The following ABCA13 variants were observed in gnomAD, a reference collection of about 807,000 sequenced individuals.
ABCA13 encodes ATP-binding cassette sub-family A member 13.
Under a neutral mutation model 478.7 loss-of-function variants are expected in ABCA13, and 476 were observed. That is an observed-to-expected ratio of 0.99 (90% CI 0.92 to 1.07). The LOEUF (loss-of-function observed/expected upper bound fraction) is 1.07, where lower values mean the gene tolerates loss of function less well. Ranked by LOEUF, ABCA13 falls within the 50% of genes least tolerant of loss-of-function variation. ABCA13 has a pLI of 0.00. For missense variants in ABCA13, 6,060 were observed against 5,910.6 expected (o/e 1.03, Z -0.83); for synonymous variants, 2,252 against 2,158.9 (o/e 1.04, Z -1.20).
Position 48,274,030 on chromosome 7 carries a change from A to T in ABCA13, c.4364A>T (p.His1455Leu), listed in dbSNP as rs530055805. The T allele has an allele frequency of 6.2e-7, 1 of 1,605,826 alleles. No homozygotes were observed. The highest frequency in any genetic ancestry group is 1.1e-5 in the South Asian group (1 of 90,324). The change falls in exon 17 of 62, where the codon CAT (histidine) becomes CTT (leucine). Residue 1455 changes from histidine to leucine, a missense_variant. Physicochemically the swap from His to Leu is moderately conservative, Grantham distance 99. Transcript: ENST00000435803. ...CCTCTTTGTTCATCAAATGGCTCAC[A>T]TATAAATTGTGTCAATATTTACTTG... ...KKPLCSSNGS[H>L]INCVNIYLKD... is the part of the protein sequence containing the mutation.
At chr7:48,172,612 A>G (rs906499431) in intron 1 of ABCA13, among the ~76,000 whole-genome samples, 25 of 151,566 alleles carry the variant, frequency 1.6e-4, no homozygotes, top group African/African-American at 5.3e-4. Flanking sequence ...TGGCTAACAC[A>G]GTGAAACCCC....
chr7:48,460,810 T>C (rs1826163815), intron 43 of ABCA13, among the ~76,000 whole-genome samples: 1 of 152,242 alleles, frequency 6.6e-6, no homozygotes, highest in Admixed American at 6.5e-5. Context: ...AACTGAAGAC[T>C]GACAGTGATT....
At chr7:48,492,464 A>G (rs553405860) in intron 48 of ABCA13, among the ~76,000 whole-genome samples, 1 of 152,332 alleles carries the variant, frequency 6.6e-6, no homozygotes, top group African/African-American at 2.4e-5. Flanking sequence ...AAGCATTCAT[A>G]TAATGACAGA....
Position 48,391,962 on chromosome 7 carries a change from T to C in ABCA13, c.11696T>C (p.Ile3899Thr), listed in dbSNP as rs1241296142. 2 of 1,613,964 alleles carry C rather than the reference T, an allele frequency of 1.2e-6. No homozygotes were observed. Among genetic ancestry groups the C allele is most frequent in the Non-Finnish European group, 1.7e-6 (2 of 1,179,870 alleles). Residue 3899 changes from isoleucine to threonine, a missense_variant, in exon 38 of 62, where the codon ATC becomes ACC. Transcript: ENST00000435803. ...TGLHPPTSGT[I>T]IINGKNLQTD... is the part of the protein sequence containing the mutation. The stretch of plus-strand genomic sequence containing the variant: ...CTCCACCCTCCCACTTCTGGAACCA[T>C]CATCATCAATGGCAAGAACCTACAG...
In ABCA13 at chr7:48,647,376, C is replaced by G. The variant is rs1308565751; in HGVS notation, c.*1864C>G. 6.6e-6 allele frequency: 1 copy of G among 152,092 alleles called. No homozygotes were observed. The highest frequency in any genetic ancestry group is 1.5e-5 in the Non-Finnish European group (1 of 68,008). 9.4% of individuals were successfully genotyped at this position (152,092 alleles called of 1,614,324 possible). A position where few individuals can be genotyped will look rare whatever the true frequency, so the allele number is the denominator to read the frequency against. On this transcript the variant is annotated 3_prime_UTR_variant, in exon 62 of 62. Transcript: ENST00000435803. ...ATTTATTCTCTAATTCTAACATAGT[C>G]TAGTTGTCAAAAGGAAATATGTAAT...
rs1311976964 is a variant in ABCA13, at chr7:48,529,625, TA to T, written c.14354+1285del. ...GTTTTGTAGCAATGAATATGGCAAA[TA>T]AAAATCGATTAAACATTGTTTTGTG... On this transcript the variant is annotated intron_variant, in intron 55 of 61. Transcript: ENST00000435803. Among the ~76,000 whole-genome samples the T allele has an allele frequency of 1.2e-4, 19 of 152,282 alleles. No homozygotes were observed. The East Asian group carries it at 3.7e-3, about 29-fold the overall frequency.
At chr7:48,389,550 C>T (rs367946034) in intron 37 of ABCA13, among the ~76,000 whole-genome samples, 3 of 152,284 alleles carry the variant, frequency 2.0e-5, no homozygotes, top group South Asian at 4.1e-4. Flanking sequence ...GCACTTTCAG[C>T]GTTTGTCCTA....
chr7:48,499,321 A>G (rs906812121), intron 48 of ABCA13, among the ~76,000 whole-genome samples: 39 of 152,222 alleles, frequency 2.6e-4, no homozygotes, highest in African/African-American at 9.2e-4. Context: ...TAATTAAAAC[A>G]ACGTAAACTT....
At chr7:48,404,614 A>G (rs1344323931) in intron 39 of ABCA13, 1 of 152,402 alleles carries the variant, frequency 6.6e-6, no homozygotes, top group Non-Finnish European at 1.5e-5. Context: ...CTTAACCTAA[A>G]GTCTCCATTT....
At position 48,279,385 on chromosome 7, in the gene ABCA13, A is replaced by G. The variant is rs768425497; in HGVS notation, c.8191A>G (p.Ile2731Val). 6.3e-7 allele frequency: 1 copy of G among 1,597,276 alleles called. No individual in the cohort carries two copies. Among genetic ancestry groups the G allele is most frequent in the Non-Finnish European group, 8.5e-7 (1 of 1,170,242 alleles). The change falls in exon 18 of 62, where the codon ATA becomes GTA. Residue 2731 changes from isoleucine to valine, a missense_variant. This residue lies in a region of ABCA13 where 4,423 missense variants were observed against 4,309.1 expected (regional missense o/e 1.03). Coordinates refer to ENST00000435803, the MANE Select transcript of ABCA13 (RefSeq NM_152701.5). ...DKILSQNSTE[I>V]GSFLKMVICL... ...AATATTATCACAAAACAGCACAGAA[A>G]TAGGATCTTTCTTGAAAATGGTGAT...
In ABCA13 at chr7:48,554,177, G is replaced by A. The variant is rs1281183632; in HGVS notation, c.14354+25832G>A. 2.0e-5 allele frequency among the ~76,000 whole-genome samples: 3 copies of A among 152,014 alleles called. No individual in the cohort carries two copies. In the East Asian group the frequency reaches 5.8e-4, roughly 29 times the overall value. The stretch of plus-strand genomic sequence containing the variant: ...TCTGGGATTTCTATTCTGTCGCATT[G>A]GCCTATGTGCCTGTTTTTATGCCAG... On this transcript the variant is annotated intron_variant, in intron 55 of 61. Transcript: ENST00000435803.
intron 11 of ABCA13, 148 bp downstream of exon 11, chr7:48,244,851 G>T: frequency 7.3e-6 from 7 of 960,146 alleles, no homozygotes; most frequent in Non-Finnish European, 1.1e-5. Context: ...TTACTCTGAT[G>T]CCTTCTAGGG....
intron 55 of ABCA13, among the ~76,000 whole-genome samples, chr7:48,530,942 T>C (rs1284488089): frequency 6.6e-6 from 1 of 152,240 alleles, no homozygotes; most frequent in Non-Finnish European, 1.5e-5. Context: ...GTGGGCTGGC[T>C]GTTAACCCTG....
At chr7:48,297,458 G>A in intron 22 of ABCA13, 147 bp downstream of exon 22, 2 of 820,776 alleles carry the variant, frequency 2.4e-6, no homozygotes, top group Admixed American at 2.7e-5. Flanking sequence ...TGATGTATTT[G>A]GCATTTATAA....
intron 47 of ABCA13, among the ~76,000 whole-genome samples, chr7:48,483,819 C>G (rs1256929640): frequency 6.6e-6 from 1 of 152,144 alleles, no homozygotes; most frequent in Non-Finnish European, 1.5e-5. Context: ...CAGAAAGATT[C>G]AAAGCATTCA....
chr7:48,254,397 A>G (rs1240418084), intron 15 of ABCA13, among the ~76,000 whole-genome samples: 2 of 152,094 alleles, frequency 1.3e-5, no homozygotes, highest in Non-Finnish European at 2.9e-5. Flanking sequence ...CCAAGTAGCT[A>G]TGACAACAGG....
intron 19 of ABCA13, among the ~76,000 whole-genome samples, chr7:48,285,108 C>A (rs1349286838): frequency 6.6e-6 from 1 of 152,154 alleles, no homozygotes; most frequent in Non-Finnish European, 1.5e-5. Flanking sequence ...CTACTTTAAT[C>A]TTCCAGTTTC....
chr7:48,559,033 C>T (rs1055643807), intron 55 of ABCA13, among the ~76,000 whole-genome samples: 20 of 152,192 alleles, frequency 1.3e-4, no homozygotes, highest in Admixed American at 1.3e-3. Flanking sequence ...CACTACCTGC[C>T]TACCACCTAT....
chr7:48,386,495 G>A (rs1207530226), intron 35 of ABCA13, among the ~76,000 whole-genome samples: 2 of 152,068 alleles, frequency 1.3e-5, no homozygotes, highest in Non-Finnish European at 2.9e-5. Flanking sequence ...TATGCTACAG[G>A]GCTACAGTAA....
Sources: gnomAD v4.1 joint callset for allele counts (sites outside exome capture counted in the v4.1 genomes callset) on GRCh38, gnomAD v4.1.1 for gene constraint, gnomAD v4.1.1 regional missense constraint, MANE v1.5 for transcripts, NCBI Gene and HGNC (gene_info 2026-07-23, HGNC 2026-07-21) for gene names.